The following NAALADL2 variants were observed in gnomAD, a reference collection of about 807,000 sequenced individuals.
NAALADL2 encodes inactive N-acetylated-alpha-linked acidic dipeptidase-like protein 2.
NAALADL2 carries 76 observed loss-of-function variants against 87.2 expected under a neutral mutation model. The observed-to-expected ratio is 0.87, with a 90% CI of 0.72 to 1.05. The LOEUF (loss-of-function observed/expected upper bound fraction) is 1.05. NAALADL2 is among the 50% of genes least tolerant of loss of function. The pLI is 0.00. For synonymous variants in NAALADL2, 354 were observed against 331.0 expected (o/e 1.07, Z -0.75); for missense variants, 1,089 against 945.8 (o/e 1.15, Z -1.99).
chr3:174,896,847 A>G (rs772536721), intron 1 of NAALADL2, among the ~76,000 whole-genome samples: 2 of 152,150 alleles, frequency 1.3e-5, no homozygotes, highest in Non-Finnish European at 2.9e-5. Context: ...ATGGAACACA[A>G]TAGAGAACCT....
At chr3:174,566,935 T>G (rs1052136603) in intron 2 of NAALADL2, among the ~76,000 whole-genome samples, 11 of 151,870 alleles carry the variant, frequency 7.2e-5, no homozygotes, top group African/African-American at 2.4e-4. Context: ...TTTTTCCAAC[T>G]TTAAATTCTG....
intron 2 of NAALADL2, among the ~76,000 whole-genome samples, chr3:174,727,688 T>C (rs952317807): frequency 2.0e-5 from 3 of 152,102 alleles, no homozygotes; most frequent in Non-Finnish European, 4.4e-5. Context: ...CAGTGTGATA[T>C]ATTTGTTATA....
chr3:175,100,894 G>A (rs564362026), intron 2 of NAALADL2, among the ~76,000 whole-genome samples: 22 of 151,506 alleles, frequency 1.5e-4, no homozygotes, highest in South Asian at 6.3e-4. Context: ...TTTAGGTGGC[G>A]TACGGCAAAT....
intron 1 of NAALADL2, among the ~76,000 whole-genome samples, chr3:175,075,477 T>G (rs1716418454): frequency 6.6e-6 from 1 of 152,218 alleles, no homozygotes; most frequent in African/African-American, 2.4e-5. Flanking sequence ...TATTTCTCCA[T>G]GCAGTGTCAC....
At chr3:175,770,241 T>G (rs1749312445) in intron 13 of NAALADL2, among the ~76,000 whole-genome samples, 1 of 152,116 alleles carries the variant, frequency 6.6e-6, no homozygotes, top group Non-Finnish European at 1.5e-5. Context: ...AGACATATAA[T>G]CTACAAAAAC....
chr3:174,824,378 A>G (rs913963179), intron 3 of NAALADL2, among the ~76,000 whole-genome samples: 2 of 152,158 alleles, frequency 1.3e-5, no homozygotes, highest in African/African-American at 4.8e-5. Flanking sequence ...TTCTTTCCCA[A>G]TATTTCTGAT....
chr3:174,528,061 G>A (rs915732516), intron 1 of NAALADL2, among the ~76,000 whole-genome samples: 1 of 151,960 alleles, frequency 6.6e-6, no homozygotes, highest in African/African-American at 2.4e-5. Context: ...GGTGCCGTGT[G>A]GCCAGAAAAG....
chr3:174,920,776 T>C (rs1735064346), intron 1 of NAALADL2, among the ~76,000 whole-genome samples: 2 of 152,232 alleles, frequency 1.3e-5, no homozygotes, highest in South Asian at 4.1e-4. Context: ...CTAAGTTTAA[T>C]CATCTGTAGC....
In NAALADL2 at chr3:174,654,796, C is replaced by T. The variant is rs536770186; in HGVS notation, c.-114-82845C>T. Among the ~76,000 whole-genome samples, 8 of 152,230 alleles carry T rather than the reference C, an allele frequency of 5.3e-5. No homozygotes were observed. The East Asian group carries it at 9.7e-4, about 18-fold the overall frequency. On this transcript the variant is annotated intron_variant, in intron 2 of 3. Coordinates refer to the NAALADL2 transcript ENST00000434257. ...TGTCACCCAGGCTGGAGTGCAGTGACGCCATCTCCACTCACTGCAAGCTCT... is the reference window on the plus strand; with the variant it reads ...TGTCACCCAGGCTGGAGTGCAGTGATGCCATCTCCACTCACTGCAAGCTCT...
chr3:175,256,624 C>A lies in NAALADL2; in HGVS notation c.939+94C>A, dbSNP rs1749993038. 7.6e-6 allele frequency: 9 copies of A among 1,186,782 alleles called. No individual in the cohort carries two copies. In the South Asian group the frequency reaches 1.4e-4, roughly 18 times the overall value. 73.5% of individuals were successfully genotyped at this position (1,186,782 alleles called of 1,614,324 possible). On this transcript the variant is annotated intron_variant, in intron 4 of 13. Coordinates refer to ENST00000454872, the MANE Select transcript of NAALADL2 (RefSeq NM_207015.3). Reference sequence around the variant, plus strand: ...TTTGTGAGTGTGGAGTGTGTGTGTGCATATAGGTGTGTGAGAGAGAGAAGG... The same window carrying A: ...TTTGTGAGTGTGGAGTGTGTGTGTGAATATAGGTGTGTGAGAGAGAGAAGG...
intron 11 of NAALADL2, among the ~76,000 whole-genome samples, chr3:175,634,734 A>G (rs764867933): frequency 6.6e-6 from 1 of 152,008 alleles, no homozygotes; most frequent in Non-Finnish European, 1.5e-5. Flanking sequence ...ATTGTATTCT[A>G]TTTAAGAAAA....
intron 2 of NAALADL2, among the ~76,000 whole-genome samples, chr3:174,584,379 A>G (rs1232146343): frequency 1.3e-5 from 2 of 152,172 alleles, no homozygotes; most frequent in Non-Finnish European, 2.9e-5. Flanking sequence ...AAGTATGTGT[A>G]CACTTCAACC....
intron 3 of NAALADL2, among the ~76,000 whole-genome samples, chr3:174,779,825 G>T (rs1215685009): frequency 2.6e-5 from 4 of 152,034 alleles, no homozygotes; most frequent in Non-Finnish European, 5.9e-5. Flanking sequence ...CTGTTACATT[G>T]GTCTACATAT....
intron 2 of NAALADL2, among the ~76,000 whole-genome samples, chr3:175,111,508 T>C (rs1035097335): frequency 1.2e-4 from 18 of 151,736 alleles, no homozygotes; most frequent in Admixed American, 6.6e-5. Flanking sequence ...ACTCAGGAGC[T>C]ACAATGGTAA....
intron 1 of NAALADL2, among the ~76,000 whole-genome samples, chr3:174,462,688 A>G (rs1361385812): frequency 1.3e-5 from 2 of 152,162 alleles, no homozygotes; most frequent in African/African-American, 4.8e-5. Flanking sequence ...CTCTCATGGC[A>G]CTTTCTTGAA....
At chr3:175,515,904 T>C (rs933234728) in intron 9 of NAALADL2, among the ~76,000 whole-genome samples, 29 of 152,226 alleles carry the variant, frequency 1.9e-4, no homozygotes, top group Admixed American at 1.2e-3. Flanking sequence ...TGTGTTTGGT[T>C]GCTTCAATTT....
At chr3:175,394,245 T>G (rs1461359252) in intron 5 of NAALADL2, among the ~76,000 whole-genome samples, 1 of 152,062 alleles carries the variant, frequency 6.6e-6, no homozygotes, top group Non-Finnish European at 1.5e-5. Context: ...GAAAAAAAAG[T>G]CGGTTAATGG....
intron 5 of NAALADL2, among the ~76,000 whole-genome samples, chr3:175,331,794 G>C (rs948055565): frequency 6.6e-6 from 1 of 152,084 alleles, no homozygotes; most frequent in Non-Finnish European, 1.5e-5. Flanking sequence ...CATCCACATT[G>C]GAAAAGAAGA....
At chr3:175,496,389 A>G (rs1483134228) in intron 9 of NAALADL2, among the ~76,000 whole-genome samples, 1 of 151,550 alleles carries the variant, frequency 6.6e-6, no homozygotes, top group East Asian at 1.9e-4. Flanking sequence ...TTTTAAAAAA[A>G]TAAATTTTCT....
Sources: gnomAD v4.1 joint callset for allele counts (sites outside exome capture counted in the v4.1 genomes callset) on GRCh38, gnomAD v4.1.1 for gene constraint, MANE v1.5 for transcripts, NCBI Gene and HGNC (gene_info 2026-07-23, HGNC 2026-07-21) for gene names.